GFRA1: variants seen among roughly 807,000 people sequenced by gnomAD.
The protein encoded by GFRA1 is GDNF family receptor alpha-1.
A neutral mutation model predicts 51.6 loss-of-function variants in GFRA1; 16 were observed. That is an observed-to-expected ratio of 0.31 (90% CI 0.21 to 0.47). The LOEUF (loss-of-function observed/expected upper bound fraction) is 0.47. Among genes scored for constraint, GFRA1 ranks in the 20% least tolerant of loss-of-function variants. GFRA1 has a pLI of 1.00. For missense variants in GFRA1, 530 were observed against 594.3 expected (o/e 0.89, Z 1.13); for synonymous variants, 270 against 241.3 (o/e 1.12, Z -1.10).
chr10:116,196,371 C>G (rs1963748358), intron 5 of GFRA1, among the ~76,000 whole-genome samples: 2 of 150,232 alleles, frequency 1.3e-5, no homozygotes, highest in South Asian at 4.2e-4. Flanking sequence ...TGCCTGTAAT[C>G]CCAGCTACTA....
At chr10:116,113,922 C>T (rs1957309823) in intron 6 of GFRA1, among the ~76,000 whole-genome samples, 1 of 152,188 alleles carries the variant, frequency 6.6e-6, no homozygotes, top group Non-Finnish European at 1.5e-5. Flanking sequence ...ATCACCCGCA[C>T]CACCGTCACC....
At chr10:116,070,644 AC>A (rs1222556186) in intron 9 of GFRA1, among the ~76,000 whole-genome samples, 4 of 152,188 alleles carry the variant, frequency 2.6e-5, no homozygotes, top group African/African-American at 9.6e-5. Flanking sequence ...TCTATTGTGT[AC>A]GTGATACCAA....
At chr10:116,073,557 C>T (rs531898568) in intron 9 of GFRA1, among the ~76,000 whole-genome samples, 32 of 152,202 alleles carry the variant, frequency 2.1e-4, no homozygotes, top group Admixed American at 1.4e-3. Context: ...GGGGTGAGGG[C>T]GGCTGTTTTG....
At chr10:116,205,265 T>G (rs1254092321) in intron 5 of GFRA1, among the ~76,000 whole-genome samples, 6 of 152,060 alleles carry the variant, frequency 3.9e-5, no homozygotes, top group Admixed American at 3.9e-4. Flanking sequence ...AATACTAGCA[T>G]TATTATTATC....
At chr10:116,212,562 ACAC>A (rs1965280007) in intron 4 of GFRA1, among the ~76,000 whole-genome samples, 1 of 134,306 alleles carries the variant, frequency 7.4e-6, no homozygotes, top group African/African-American at 2.9e-5. Context: ...ACACACACAC[ACAC>A]ATCTAGTTAA....
intron 4 of GFRA1, among the ~76,000 whole-genome samples, chr10:116,228,886 G>A (rs190764457): frequency 8.9e-5 from 13 of 146,408 alleles, no homozygotes; most frequent in African/African-American, 3.3e-4. Context: ...AGAGGCTGAG[G>A]CAGAGAATTG....
In GFRA1 at chr10:116,272,729, C is replaced by G. The variant is rs995476335; in HGVS notation, c.-247+434G>C. On this transcript the variant is annotated intron_variant, in intron 1 of 10. Transcript: ENST00000355422. This position sits in a 1 kb window ranked among gnomAD's most constrained non-coding sequence, Gnocchi z 4.4. ...AGCTCGCTCAGCCGCCGGCCCTCCCCACTCCGATCGCCAATCCCTAGCCCC... is the reference window on the plus strand; with the variant it reads ...AGCTCGCTCAGCCGCCGGCCCTCCCGACTCCGATCGCCAATCCCTAGCCCC... The G allele has an allele frequency of 1.3e-5, 2 of 152,682 alleles. No individual in the cohort carries two copies. Among genetic ancestry groups the G allele is most frequent in the Admixed American group, 6.5e-5 (1 of 15,304 alleles). 9.5% of individuals were successfully genotyped at this position (152,682 alleles called of 1,614,324 possible).
At chr10:116,154,465 G>A (rs575285999) in intron 5 of GFRA1, among the ~76,000 whole-genome samples, 156 of 152,294 alleles carry the variant, frequency 1.0e-3, no homozygotes, top group African/African-American at 3.6e-3. Context: ...GTCTCAAAAA[G>A]TATATATTTT....
intron 5 of GFRA1, among the ~76,000 whole-genome samples, chr10:116,183,135 G>C (rs1265477625): frequency 6.6e-6 from 1 of 152,216 alleles, no homozygotes; most frequent in Non-Finnish European, 1.5e-5. Context: ...AGTACAGCAA[G>C]TGTTGATCAA....
intron 9 of GFRA1, among the ~76,000 whole-genome samples, chr10:116,083,984 T>C (rs1955975203): frequency 6.6e-6 from 1 of 152,170 alleles, no homozygotes; most frequent in Non-Finnish European, 1.5e-5. Context: ...TAAGGAAATG[T>C]ATTGAGGCTT....
intron 6 of GFRA1, among the ~76,000 whole-genome samples, chr10:116,107,771 A>G (rs541779950): frequency 2.6e-5 from 4 of 151,874 alleles, no homozygotes; most frequent in African/African-American, 9.7e-5. Flanking sequence ...ACTGAACTCT[A>G]ATGAGCTTAG....
chr10:116,214,391 T>C lies in GFRA1; in HGVS notation c.419-2746A>G, dbSNP rs538196792. 5.9e-5 allele frequency among the ~76,000 whole-genome samples: 9 copies of C among 152,290 alleles called. No homozygotes were observed. In the East Asian group the frequency reaches 1.5e-3, roughly 26 times the overall value. Reference sequence around the variant, plus strand: ...TTTGTGGGTCCTACCTGCCTGGCCATGGCAAGCTCCTACCTACGAGGGAGG... The same window carrying C: ...TTTGTGGGTCCTACCTGCCTGGCCACGGCAAGCTCCTACCTACGAGGGAGG... On this transcript the variant is annotated intron_variant, in intron 4 of 10. Transcript: ENST00000355422.
intron 5 of GFRA1, among the ~76,000 whole-genome samples, chr10:116,210,002 C>T (rs1465852810): frequency 1.3e-5 from 2 of 152,078 alleles, no homozygotes; most frequent in African/African-American, 2.4e-5. Flanking sequence ...GGGTAGCTTG[C>T]GGCTTCCATC....
chr10:116,071,715 A>C (rs534040319), intron 9 of GFRA1, among the ~76,000 whole-genome samples: 1 of 152,304 alleles, frequency 6.6e-6, no homozygotes, highest in Non-Finnish European at 1.5e-5. Flanking sequence ...CTGACTGGGG[A>C]CTGGGCCCAT....
chr10:116,082,470 G>GC (rs1555145086), intron 9 of GFRA1, among the ~76,000 whole-genome samples: 1 of 121,022 alleles, frequency 8.3e-6, no homozygotes, highest in Non-Finnish European at 1.5e-5. Flanking sequence ...CCTTGCTTTT[G>GC]TTTTTTTTGT....
intron 5 of GFRA1, among the ~76,000 whole-genome samples, chr10:116,134,744 T>C (rs1221600306): frequency 6.6e-6 from 1 of 152,200 alleles, no homozygotes; most frequent in Non-Finnish European, 1.5e-5. Flanking sequence ...AGTTTGGAAA[T>C]AATTCTTTGG....
intron 4 of GFRA1, among the ~76,000 whole-genome samples, chr10:116,250,000 CA>C (rs1391952580): frequency 2.1e-4 from 32 of 152,088 alleles, no homozygotes; most frequent in African/African-American, 7.7e-4. Context: ...TTGAAAATGA[CA>C]AAGAGGAGCC....
At chr10:116,173,875 G>A (rs1330473225) in intron 5 of GFRA1, among the ~76,000 whole-genome samples, 1 of 25,736 alleles carries the variant, frequency 3.9e-5, no homozygotes, top group Non-Finnish European at 8.5e-5. Context: ...TCGGGAGTTC[G>A]ATCGAGACCA....
chr10:116,094,428 C>CTAGAG (rs1480670434), intron 7 of GFRA1, among the ~76,000 whole-genome samples: 1 of 152,110 alleles, frequency 6.6e-6, no homozygotes, highest in African/African-American at 2.4e-5. Flanking sequence ...TCAACGGCTC[C>CTAGAG]TAGAGTATTG....
Sources: allele counts gnomAD v4.1 joint callset (sites outside exome capture counted in the v4.1 genomes callset), GRCh38; gene constraint gnomAD v4.1.1; non-coding constraint Gnocchi (gnomAD v3.1); transcripts MANE v1.5; gene names NCBI Gene and HGNC (gene_info 2026-07-23, HGNC 2026-07-21).